The following WWOX variants were observed in gnomAD, a reference collection of about 807,000 sequenced individuals.
The protein encoded by WWOX is WW domain containing oxidoreductase.
WWOX carries 69 observed loss-of-function variants against 46.2 expected under a neutral mutation model. The ratio of observed to expected loss-of-function variants is 1.49; its 90% CI spans 1.23 to 1.82. WWOX has a LOEUF of 1.82. Among genes scored for constraint, WWOX ranks in the 40% most tolerant of loss-of-function variants. WWOX has a pLI of 0.00. For missense variants in WWOX, 919 were observed against 542.6 expected (o/e 1.69, Z -6.89); for synonymous variants, 359 against 202.6 (o/e 1.77, Z -6.56).
intron 8 of WWOX, among the ~76,000 whole-genome samples, chr16:78,500,045 A>G (rs556046877): frequency 6.6e-6 from 1 of 152,320 alleles, no homozygotes; most frequent in South Asian, 2.1e-4. Flanking sequence ...TGCCTGTGGG[A>G]AAATACAAAA....
intron 3 of WWOX, among the ~76,000 whole-genome samples, chr16:78,110,388 A>G (rs2032423564): frequency 6.7e-6 from 1 of 149,782 alleles, no homozygotes; most frequent in Non-Finnish European, 1.5e-5. Flanking sequence ...TGGACTGTTT[A>G]GTAACCTGCT....
intron 8 of WWOX, among the ~76,000 whole-genome samples, chr16:78,884,452 A>T (rs1180568707): frequency 1.3e-5 from 2 of 152,172 alleles, no homozygotes; most frequent in Non-Finnish European, 2.9e-5. Context: ...GATATCTATC[A>T]GTGGTGGAAT....
chr16:78,900,931 A>C (rs977301171), intron 8 of WWOX, among the ~76,000 whole-genome samples: 1 of 151,606 alleles, frequency 6.6e-6, no homozygotes, highest in Non-Finnish European at 1.5e-5. Flanking sequence ...TTAATGTTCT[A>C]TTCCCAAGAA....
At chr16:78,780,099 C>T (rs2050287006) in intron 8 of WWOX, among the ~76,000 whole-genome samples, 1 of 152,152 alleles carries the variant, frequency 6.6e-6, no homozygotes, top group South Asian at 2.1e-4. Flanking sequence ...GGTTCTCGTA[C>T]TTCAGGTCCC....
At chr16:78,644,644 G>C (rs1232641601) in intron 8 of WWOX, among the ~76,000 whole-genome samples, 1 of 152,106 alleles carries the variant, frequency 6.6e-6, no homozygotes, top group Non-Finnish European at 1.5e-5. Context: ...TGTACTTTTA[G>C]TAGAGATGGG....
intron 8 of WWOX, among the ~76,000 whole-genome samples, chr16:78,946,733 C>A (rs1053578732): frequency 6.6e-6 from 1 of 151,786 alleles, no homozygotes; most frequent in Non-Finnish European, 1.5e-5. Context: ...GAGAGTCATG[C>A]GGGCCATATG....
rs184543137 is a variant in WWOX at position 78,476,570 on chromosome 16, C to T, written c.1056+43818C>T. 5.0e-3 allele frequency among the ~76,000 whole-genome samples: 766 copies of T among 151,736 alleles called. 6 individuals carry two copies. The highest frequency in any genetic ancestry group is 7.7e-3 in the Non-Finnish European group (522 of 67,952). ...TGTCTACATATGTAACAAACCTGCACGTTGTGCACATGTACCCTAGAACTG... is the reference window on the plus strand; with the variant it reads ...TGTCTACATATGTAACAAACCTGCATGTTGTGCACATGTACCCTAGAACTG... On this transcript the variant is annotated intron_variant, in intron 8 of 8. Transcript: ENST00000566780.
At chr16:78,635,563 G>A (rs773057766) in intron 8 of WWOX, among the ~76,000 whole-genome samples, 2 of 152,136 alleles carry the variant, frequency 1.3e-5, no homozygotes, top group Non-Finnish European at 2.9e-5. Context: ...TCCTCTCTGC[G>A]CCTCAGTTTC....
intron 8 of WWOX, among the ~76,000 whole-genome samples, chr16:78,867,066 A>C (rs544180121): frequency 3.9e-5 from 6 of 152,174 alleles, no homozygotes. Flanking sequence ...TTGAGGAAGT[A>C]TTCACAATTG....
chr16:78,926,735 C>T (rs917006722), intron 8 of WWOX, among the ~76,000 whole-genome samples: 1 of 152,072 alleles, frequency 6.6e-6, no homozygotes, highest in Non-Finnish European at 1.5e-5. Flanking sequence ...AAAAGTCTTT[C>T]TACATTTCTA....
intron 5 of WWOX, among the ~76,000 whole-genome samples, chr16:78,306,508 C>A (rs1240367505): frequency 1.3e-5 from 2 of 152,182 alleles, no homozygotes; most frequent in East Asian, 3.8e-4. Flanking sequence ...GCAGCTTCAA[C>A]TATTCACTCT....
intron 5 of WWOX, among the ~76,000 whole-genome samples, chr16:78,360,444 G>A (rs1458298034): frequency 6.6e-6 from 1 of 151,904 alleles, no homozygotes; most frequent in Non-Finnish European, 1.5e-5. Context: ...AATTAGCCTG[G>A]CATGGCAGCG....
intron 8 of WWOX, among the ~76,000 whole-genome samples, chr16:78,871,763 C>G (rs1357997210): frequency 6.6e-6 from 1 of 152,160 alleles, no homozygotes; most frequent in East Asian, 1.9e-4. Flanking sequence ...CCATACCCAC[C>G]TAATTTTTTG....
intron 8 of WWOX, among the ~76,000 whole-genome samples, chr16:78,941,691 G>T (rs1012324704): frequency 6.6e-6 from 1 of 152,122 alleles, no homozygotes; most frequent in Non-Finnish European, 1.5e-5. Flanking sequence ...CTACTCACAG[G>T]AAAGAAGAAA....
At chr16:78,628,656 G>A (rs2046362554) in intron 8 of WWOX, among the ~76,000 whole-genome samples, 1 of 151,768 alleles carries the variant, frequency 6.6e-6, no homozygotes, top group Admixed American at 6.6e-5. Context: ...CTGGAACTTT[G>A]CAAAATAAAC....
chr16:78,768,156 G>GC (rs1185945294), intron 8 of WWOX, among the ~76,000 whole-genome samples: 3 of 112,830 alleles, frequency 2.7e-5, no homozygotes, highest in African/African-American at 9.2e-5. Flanking sequence ...AGGCTGCGGG[G>GC]CGGGGGGGTC....
intron 8 of WWOX, among the ~76,000 whole-genome samples, chr16:78,586,608 A>G (rs368959895): frequency 9.2e-5 from 14 of 152,332 alleles, no homozygotes; most frequent in South Asian, 4.1e-4. Context: ...AACTTGCTCA[A>G]TGTAACCAAG....
At chr16:78,936,991 G>T (rs756744922) in intron 8 of WWOX, among the ~76,000 whole-genome samples, 1 of 152,080 alleles carries the variant, frequency 6.6e-6, no homozygotes, top group Admixed American at 6.6e-5. Context: ...TTTGGATTTG[G>T]GAATACGGTC....
chr16:78,554,206 T>C (rs2044236129), intron 8 of WWOX, among the ~76,000 whole-genome samples: 1 of 152,070 alleles, frequency 6.6e-6, no homozygotes, highest in Non-Finnish European at 1.5e-5. Context: ...GGGGAGGACT[T>C]GGTGGCCAGA....
Sources: gnomAD v4.1 joint callset for allele counts (sites outside exome capture counted in the v4.1 genomes callset) on GRCh38, gnomAD v4.1.1 for gene constraint, MANE v1.5 for transcripts, NCBI Gene and HGNC (gene_info 2026-07-23, HGNC 2026-07-21) for gene names.